Variants in TOP3B observed in about 807,000 individuals in gnomAD.
The protein encoded by TOP3B is DNA topoisomerase III beta.
Under a neutral mutation model 93.9 loss-of-function variants are expected in TOP3B, and 45 were observed. That is an observed-to-expected ratio of 0.48 (90% CI 0.38 to 0.61). The LOEUF (loss-of-function observed/expected upper bound fraction) is 0.61. Among genes scored for constraint, TOP3B ranks in the 20% least tolerant of loss-of-function variants. The probability of loss-of-function intolerance (pLI) is 0.00; values close to 1 mark genes in which losing one functional copy is unlikely to be tolerated. For synonymous variants in TOP3B, 357 were observed against 472.6 expected, an observed-to-expected ratio of 0.76 and a Z score of 3.17; for missense variants, 750 against 1,156.1, an observed-to-expected ratio of 0.65 and a Z score of 5.09.
chr22:21,975,507 T>G, intron 2 of TOP3B, 133 bp downstream of exon 2: 98 of 1,034,306 alleles, frequency 9.5e-5, no homozygotes, highest in Non-Finnish European at 1.2e-4. Flanking sequence ...TGTGACATAC[T>G]GAGATGCTTC....
chr22:21,965,459 G>A (rs1346289808), intron 8 of TOP3B, 84 bp from the exon 9 acceptor site: 10 of 797,494 alleles, frequency 1.3e-5, no homozygotes, highest in Non-Finnish European at 1.9e-5. Flanking sequence ...GAAGGGTCTG[G>A]TTTCATTCAT....
rs1256833981 is a variant in TOP3B, at chr22:21,971,805, G to A, written c.384+72C>T. The A allele has an allele frequency of 7.2e-7, 1 of 1,397,358 alleles. No homozygotes were observed. Among genetic ancestry groups the A allele is most frequent in the East Asian group, 2.3e-5 (1 of 43,740 alleles). The allele number at this position is 1,397,358 out of a possible 1,614,324, so 86.6% of individuals were successfully genotyped here. ...CTTTGGCCCCAGGAGTGATGTGACTGACTGCTGGTGTCAGTTTGGGGCTGG... is the reference window on the plus strand; with the variant it reads ...CTTTGGCCCCAGGAGTGATGTGACTAACTGCTGGTGTCAGTTTGGGGCTGG... On this transcript the variant is annotated intron_variant, in intron 5 of 17. Transcript: ENST00000357179. The surrounding 1 kb of genome is among the most constrained non-coding windows in gnomAD (Gnocchi z 4.6).
Position 21,970,024 on chromosome 22 carries a change from T to C in TOP3B, c.581+186A>G, listed in dbSNP as rs1282196806. On this transcript the variant is annotated intron_variant, in intron 6 of 17. Coordinates refer to ENST00000357179, the MANE Select transcript of TOP3B (RefSeq NM_001282112.2). The surrounding 1 kb of genome is among the most constrained non-coding windows in gnomAD (Gnocchi z 4.4). Reference sequence around the variant, plus strand: ...ACCTCAAGCAATCCTCCTATCCTGGTCTCCCAAAGTGCAGGGATTACAGGT... The same window carrying C: ...ACCTCAAGCAATCCTCCTATCCTGGCCTCCCAAAGTGCAGGGATTACAGGT... 1.7e-6 allele frequency: 1 copy of C among 598,886 alleles called. No individual in the cohort carries two copies. The highest frequency in any genetic ancestry group is 2.9e-5 in the East Asian group (1 of 34,876). The allele number at this position is 598,886 out of a possible 1,614,324, so 37.1% of individuals were successfully genotyped here.
In TOP3B at chr22:21,962,912, A is replaced by C; in HGVS notation, c.1205-19T>G. The C allele has an allele frequency of 6.2e-7, 1 of 1,607,338 alleles. No individual in the cohort carries two copies. Among genetic ancestry groups the C allele is most frequent in the Middle Eastern group, 1.7e-4 (1 of 6,022 alleles). The stretch of plus-strand genomic sequence containing the variant: ...TCACCCCCTGCAACAGGCCAGGGCT[A>C]GTCAGTTGGGAGCCAGCTGGGGGCT... On this transcript the variant is annotated intron_variant, in intron 11 of 17. Transcript: ENST00000357179.
intron 1 of TOP3B, among the ~76,000 whole-genome samples, chr22:21,981,261 A>G (rs1448911548): frequency 1.3e-5 from 2 of 152,172 alleles, no homozygotes; most frequent in Non-Finnish European, 2.9e-5. Flanking sequence ...AGGTGCTGCC[A>G]TTTTATTGGC....
chr22:21,962,003 G>A, intron 13 of TOP3B: 1 of 748,634 alleles, frequency 1.3e-6, no homozygotes, highest in Non-Finnish European at 1.8e-6. Flanking sequence ...CCTGGGACAG[G>A]CATTTCTGTT....
chr22:21,964,267 T>C lies in TOP3B; in HGVS notation c.992A>G (p.Gln331Arg), dbSNP rs774280847. Residue 331 changes from glutamine (Q) to arginine (R), a missense_variant, in exon 10 of 18, where the codon CAA becomes CGA. Gln to Arg is a conservative substitution (Grantham distance 43, BLOSUM62 1). This residue lies in a region of TOP3B where 737 missense variants were observed against 933.7 expected (regional missense o/e 0.79). Coordinates refer to ENST00000357179, the MANE Select transcript of TOP3B (RefSeq NM_001282112.2). ...AMQTAERLYT[Q>R]GYISYPRTET... ...TGTCCGTGGGTAGCTGATGTAGCCTTGCGTGTAGAGCCGCTCAGCCGTCTG... is the reference window on the plus strand; with the variant it reads ...TGTCCGTGGGTAGCTGATGTAGCCTCGCGTGTAGAGCCGCTCAGCCGTCTG... 6.2e-7 allele frequency: 1 copy of C among 1,614,140 alleles called. No individual in the cohort carries two copies. The highest frequency in any genetic ancestry group is 1.1e-5 in the South Asian group (1 of 91,082).
intron 12 of TOP3B, 62 bp downstream of exon 12, chr22:21,962,685 G>A (rs2071240906): frequency 2.5e-6 from 4 of 1,608,830 alleles, no homozygotes; most frequent in East Asian, 2.2e-5. Context: ...CCCCAGACAC[G>A]ATGTAGAATG....
In TOP3B at chr22:21,962,885, C is replaced by T. The variant is rs773834856; in HGVS notation, c.1213G>A (p.Ala405Thr). ...GTGATGTACTCATAGAGCCGCCACG[C>T]GTCACCCCCTGCAACAGGCCAGGGC... ...SATEAELGGD[A>T]WRLYEYITRH... Residue 405 changes from alanine (A) to threonine (T), a missense_variant, in exon 12 of 18, where the codon GCG becomes ACG. Physicochemically the swap from Ala to Thr is moderately conservative, Grantham distance 58 (BLOSUM62 0). This residue lies in a region of TOP3B where 737 missense variants were observed against 933.7 expected (regional missense o/e 0.79). Coordinates refer to ENST00000357179, the MANE Select transcript of TOP3B (RefSeq NM_001282112.2). 20 of 1,612,918 alleles carry T rather than the reference C, an allele frequency of 1.2e-5. No individual in the cohort carries two copies. The highest frequency in any genetic ancestry group is 2.2e-5 in the East Asian group (1 of 44,876).
rs977928535 is a variant in TOP3B at position 21,971,550 on chromosome 22, G to A, written c.384+327C>T. The A allele has an allele frequency of 2.3e-5, 9 of 387,236 alleles. No individual in the cohort carries two copies. Among genetic ancestry groups the A allele is most frequent in the African/African-American group, 4.2e-5 (2 of 47,818 alleles). 24.0% of individuals were successfully genotyped at this position (387,236 alleles called of 1,614,324 possible). On this transcript the variant is annotated intron_variant, in intron 5 of 17. Coordinates refer to ENST00000357179, the MANE Select transcript of TOP3B (RefSeq NM_001282112.2). This position sits in a 1 kb window ranked among gnomAD's most constrained non-coding sequence, Gnocchi z 4.6. ...CAACCCAAGGTCCCTGAGAAGTCACGCTGGGCACAAGATGCTGAACACCAA... is the reference window on the plus strand; with the variant it reads ...CAACCCAAGGTCCCTGAGAAGTCACACTGGGCACAAGATGCTGAACACCAA...
At chr22:21,979,206 T>C (rs1042884259) in intron 1 of TOP3B, among the ~76,000 whole-genome samples, 1 of 151,744 alleles carries the variant, frequency 6.6e-6, no homozygotes, top group African/African-American at 2.4e-5. Flanking sequence ...AGAACCTGAC[T>C]CTGAGTTGGG....
Position 21,970,152 on chromosome 22 carries a change from G to T in TOP3B, c.581+58C>A, listed in dbSNP as rs1277120409. ...CCCCGGAGGGGGACCAGTAGAGGCA[G>T]GTCTCTGGCTGAGGGAGAGTGAGGG... On this transcript the variant is annotated intron_variant, in intron 6 of 17. Transcript: ENST00000357179. This position sits in a 1 kb window ranked among gnomAD's most constrained non-coding sequence, Gnocchi z 4.4. 19 of 1,575,950 alleles carry T rather than the reference G, an allele frequency of 1.2e-5. No homozygotes were observed. Among genetic ancestry groups the T allele is most frequent in the Admixed American group, 1.7e-5 (1 of 59,176 alleles).
chr22:21,970,482 G>T lies in TOP3B; in HGVS notation c.385-76C>A. 6.6e-7 allele frequency: 1 copy of T among 1,511,070 alleles called. No homozygotes were observed. 93.6% of individuals were successfully genotyped at this position (1,511,070 alleles called of 1,614,324 possible). A position where few individuals can be genotyped will look rare whatever the true frequency, so the allele number is the denominator to read the frequency against. ...AGCTCCCCACCCCACTGTGAAGCCT[G>T]GTTCCTTCCAGGAAAGAACACGTGT... On this transcript the variant is annotated intron_variant, in intron 5 of 17. Coordinates refer to ENST00000357179, the MANE Select transcript of TOP3B (RefSeq NM_001282112.2). The surrounding 1 kb of genome is among the most constrained non-coding windows in gnomAD (Gnocchi z 4.4).
At chr22:21,977,675 C>A (rs1156292813) in intron 1 of TOP3B, 1 of 152,086 alleles carries the variant, frequency 6.6e-6, no homozygotes, top group African/African-American at 2.4e-5. Flanking sequence ...AAAGTCGTTG[C>A]ACACACAGCA....
Position 21,963,884 on chromosome 22 carries a change from C to A in TOP3B, c.1204+39G>T. 2 of 1,605,418 alleles carry A rather than the reference C, an allele frequency of 1.2e-6. No individual in the cohort carries two copies. Among genetic ancestry groups the A allele is most frequent in the Non-Finnish European group, 1.7e-6 (2 of 1,173,880 alleles). On this transcript the variant is annotated intron_variant, in intron 11 of 17. Coordinates refer to ENST00000357179, the MANE Select transcript of TOP3B (RefSeq NM_001282112.2). This position sits in a 1 kb window ranked among gnomAD's most constrained non-coding sequence, Gnocchi z 4.8. ...CTTCACTGTCGCAGCTCGCCCTTCC[C>A]TCCCTGGAAGCACACCGGGTATGGG...
chr22:21,968,716 A>G lies in TOP3B; in HGVS notation c.641T>C (p.Phe214Ser). 2 of 1,614,208 alleles carry G rather than the reference A, an allele frequency of 1.2e-6. No homozygotes were observed. Among genetic ancestry groups the G allele is most frequent in the East Asian group, 2.2e-5 (1 of 44,884 alleles). ...CAGGGTTGGAGTCTGACACGGCCCAAAGGAGATGAGAGAGCTGTCTAAATC... is the reference window on the plus strand; with the variant it reads ...CAGGGTTGGAGTCTGACACGGCCCAGAGGAGATGAGAGAGCTGTCTAAATC... ...YGDLDSSLIS[F>S]GPCQTPTLGF... The change falls in exon 7 of 18, where the codon TTT (phenylalanine) becomes TCT (serine). Residue 214 changes from phenylalanine (F) to serine (S), a missense_variant. Coordinates refer to ENST00000357179, the MANE Select transcript of TOP3B (RefSeq NM_001282112.2).
At position 21,974,348 on chromosome 22, in the gene TOP3B, G is replaced by C. The variant is rs1171716915; in HGVS notation, c.202+9C>G. 2 of 1,612,868 alleles carry C rather than the reference G, an allele frequency of 1.2e-6. No individual in the cohort carries two copies. The highest frequency in any genetic ancestry group is 1.7e-6 in the Non-Finnish European group (2 of 1,179,094). ...TCCCTTCAGTAGGATGGAGGGTAGA[G>C]GGGCTTACCCAGGAAATCCAGGGTC... On this transcript the variant is annotated intron_variant, in intron 3 of 17. Transcript: ENST00000357179.
intron 17 of TOP3B, chr22:21,958,263 G>A: frequency 7.2e-7 from 1 of 1,390,170 alleles, no homozygotes; most frequent in South Asian, 1.5e-5. Flanking sequence ...CAGGTCCTGA[G>A]GGTGGACTAG....
intron 1 of TOP3B, among the ~76,000 whole-genome samples, chr22:21,981,797 A>T (rs749980764): frequency 2.6e-5 from 4 of 152,030 alleles, no homozygotes; most frequent in Non-Finnish European, 4.4e-5. Flanking sequence ...CTCTGCCTGC[A>T]ACAAAACAAA....
Sources: gnomAD v4.1 joint callset for allele counts (sites outside exome capture counted in the v4.1 genomes callset) on GRCh38, gnomAD v4.1.1 for gene constraint, gnomAD v4.1.1 regional missense constraint, Gnocchi (gnomAD v3.1) non-coding constraint, MANE v1.5 for transcripts, NCBI Gene and HGNC (gene_info 2026-07-23, HGNC 2026-07-21) for gene names.